The following FGF23 variants were observed in gnomAD, a reference collection of about 807,000 sequenced individuals.
FGF23 encodes phosphatonin.
In FGF23, 8 loss-of-function variants were observed where a neutral mutation model predicts 9.0. The observed-to-expected ratio is 0.89, with a 90% CI of 0.52 to 1.60. The LOEUF is 1.60. Among genes scored for constraint, FGF23 ranks in the 40% most tolerant of loss-of-function variants. FGF23 has a pLI of 0.00. For synonymous variants in FGF23, 118 were observed against 146.2 expected, an observed-to-expected ratio of 0.81 and a Z score of 1.39; for missense variants, 311 against 344.3, an observed-to-expected ratio of 0.90 and a Z score of 0.77.
chr12:4,370,786 G>C lies in FGF23; in HGVS notation c.316-3C>G. On this transcript the variant is annotated splice_polypyrimidine_tract_variant and splice_region_variant and intron_variant, in intron 2 of 2. Transcript: ENST00000237837. ...CAGTTCTCCGGGTCGAAATAGTGCTGGAAGGACAAGAGCGAACCACGTGAA... is the reference window on the plus strand; with the variant it reads ...CAGTTCTCCGGGTCGAAATAGTGCTCGAAGGACAAGAGCGAACCACGTGAA... 2.5e-6 allele frequency: 4 copies of C among 1,613,782 alleles called. No homozygotes were observed. Among genetic ancestry groups the C allele is most frequent in the Non-Finnish European group, 3.4e-6 (4 of 1,179,980 alleles).
At chr12:4,379,304 C>T (rs746764009) in intron 1 of FGF23, 68 bp downstream of exon 1, 2 of 1,440,314 alleles carry the variant, frequency 1.4e-6, no homozygotes, top group Non-Finnish European at 1.9e-6. Context: ...AGTCCCCAAC[C>T]TCCCCAAGCC....
rs768819651 is a variant in FGF23, at chr12:4,379,398, T to C, written c.185A>G (p.Asp62Gly). The change falls in exon 1 of 3, where the codon GAT (aspartate) becomes GGT (glycine). Residue 62 changes from aspartate to glycine, a missense_variant. Transcript: ENST00000237837. The part of the protein sequence containing the change: ...HLQIHKNGHV[D>G]GAPHQTIYSA... The stretch of plus-strand genomic sequence containing the variant: ...GTAGATGGTCTGATGGGGTGCGCCA[T>C]CCACATGGCCATTCTTGTGGATCTG... 4 of 1,612,930 alleles carry C rather than the reference T, an allele frequency of 2.5e-6. No individual in the cohort carries two copies. In the South Asian group the frequency reaches 3.3e-5, roughly 13 times the overall value.
chr12:4,371,806 A>G (rs1340021139), intron 2 of FGF23, among the ~76,000 whole-genome samples: 1 of 152,204 alleles, frequency 6.6e-6, no homozygotes, highest in African/African-American at 2.4e-5. Context: ...CCCAGAATCA[A>G]GAAGACACCA....
At chr12:4,374,777 C>T (rs1865099919) in intron 1 of FGF23, among the ~76,000 whole-genome samples, 1 of 151,994 alleles carries the variant, frequency 6.6e-6, no homozygotes, top group Admixed American at 6.5e-5. Flanking sequence ...ATTCTCAAAA[C>T]AAATTTTATA....
At chr12:4,373,276 G>A (rs1011447457) in intron 1 of FGF23, among the ~76,000 whole-genome samples, 7 of 152,164 alleles carry the variant, frequency 4.6e-5, no homozygotes, top group Non-Finnish European at 8.8e-5. Context: ...AGGCTCAGGC[G>A]TCACCATCTC....
chr12:4,375,145 A>G (rs1335403629), intron 1 of FGF23, among the ~76,000 whole-genome samples: 3 of 152,204 alleles, frequency 2.0e-5, no homozygotes, highest in African/African-American at 7.2e-5. Context: ...TGTCCTGCCT[A>G]CTTCATAGGG....
rs1465268287 is a variant in FGF23 at position 4,379,452 on chromosome 12, G to A, written c.131C>T (p.Thr44Ile). ...SSWGGLIHLY[T>I]ATARNSYHLQ... Reference sequence around the variant, plus strand: ...GTGGTAGCTGTTCCTGGCTGTGGCTGTGTACAGGTGGATCAGGCCACCCCA... The same window carrying A: ...GTGGTAGCTGTTCCTGGCTGTGGCTATGTACAGGTGGATCAGGCCACCCCA... The change falls in exon 1 of 3, where the codon ACA (threonine) becomes ATA (isoleucine). Residue 44 changes from threonine to isoleucine, a missense_variant. Physicochemically the swap from Thr to Ile is moderately conservative, Grantham distance 89. Transcript: ENST00000237837. The A allele has an allele frequency of 1.2e-6, 2 of 1,613,628 alleles. No individual in the cohort carries two copies. The highest frequency in any genetic ancestry group is 1.7e-6 in the Non-Finnish European group (2 of 1,180,038).
chr12:4,370,405 C>T lies in FGF23; in HGVS notation c.694G>A (p.Val232Met). Residue 232 changes from valine to methionine, a missense_variant, in exon 3 of 3, where the codon GTG (valine) becomes ATG (methionine). Physicochemically the swap from Val to Met is conservative, Grantham distance 21 (BLOSUM62 1). Transcript: ENST00000237837. ...CCCGTTCCCCCAGCGTGCGTGTTCA[C>T]TCGACCGCCCCTGACCACCCCTAAT... ...DPLGVVRGGR[V>M]NTHAGGTGPE... 1 of 1,613,790 alleles carries T rather than the reference C, an allele frequency of 6.2e-7. No homozygotes were observed. The highest frequency in any genetic ancestry group is 2.2e-5 in the East Asian group (1 of 44,872).
Position 4,370,400 on chromosome 12 carries a change from G to T in FGF23, c.699C>A (p.Asn233Lys). Residue 233 changes from asparagine (N) to lysine (K), a missense_variant, in exon 3 of 3, where the codon AAC (asparagine) becomes AAA (lysine). This residue lies in a region of FGF23 where 206 missense variants were observed against 219.2 expected (regional missense o/e 0.94). Transcript: ENST00000237837. The stretch of plus-strand genomic sequence containing the variant: ...CCGGGCCCGTTCCCCCAGCGTGCGT[G>T]TTCACTCGACCGCCCCTGACCACCC... ...PLGVVRGGRV[N>K]THAGGTGPEG... is the part of the protein sequence containing the mutation. The T allele has an allele frequency of 1.2e-6, 2 of 1,613,748 alleles. No individual in the cohort carries two copies. Among genetic ancestry groups the T allele is most frequent in the Non-Finnish European group, 1.7e-6 (2 of 1,180,006 alleles).
At position 4,369,495 on chromosome 12, in the gene FGF23, GTGTAAAAGC is replaced by G; in HGVS notation, c.*839_*847del. The G allele has an allele frequency of 4.4e-6, 1 of 229,036 alleles. No homozygotes were observed. The highest frequency in any genetic ancestry group is 1.8e-4 in the South Asian group (1 of 5,498). 14.2% of individuals were successfully genotyped at this position (229,036 alleles called of 1,614,324 possible). A position where few individuals can be genotyped will look rare whatever the true frequency, so the allele number is the denominator to read the frequency against. On this transcript the variant is annotated 3_prime_UTR_variant, in exon 3 of 3. Coordinates refer to ENST00000237837, the MANE Select transcript of FGF23 (RefSeq NM_020638.3). Reference sequence around the variant, plus strand: ...TAGCAGGGCAGATTTTCGTGAGCCAGTGTAAAAGCTATTTATTCCTTAGACCAAATTTTC... The same window carrying G: ...TAGCAGGGCAGATTTTCGTGAGCCAGTATTTATTCCTTAGACCAAATTTTC...
intron 1 of FGF23, among the ~76,000 whole-genome samples, chr12:4,375,527 T>A (rs573305341): frequency 6.6e-6 from 1 of 152,292 alleles, no homozygotes; most frequent in South Asian, 2.1e-4. Flanking sequence ...CAAGGGAGAA[T>A]TTTGCAGAAG....
At chr12:4,378,402 G>A (rs1456825358) in intron 1 of FGF23, among the ~76,000 whole-genome samples, 1 of 151,960 alleles carries the variant, frequency 6.6e-6, no homozygotes, top group Non-Finnish European at 1.5e-5. Context: ...ATGCTTTGAG[G>A]TGTTTTCTCA....
chr12:4,370,857 C>T lies in FGF23; in HGVS notation c.316-74G>A. ...CCCACTCCCCAGCTCCTCCTGGGGC[C>T]ACATGCTTGTGCCAGCCGGCCTGAA... On this transcript the variant is annotated intron_variant, in intron 2 of 2. Coordinates refer to ENST00000237837, the MANE Select transcript of FGF23 (RefSeq NM_020638.3). The T allele has an allele frequency of 3.2e-6, 4 of 1,265,928 alleles. No individual in the cohort carries two copies. In the South Asian group the frequency reaches 4.8e-5, roughly 15 times the overall value. 78.4% of individuals were successfully genotyped at this position (1,265,928 alleles called of 1,614,324 possible). A position where few individuals can be genotyped will look rare whatever the true frequency, so the allele number is the denominator to read the frequency against.
intron 1 of FGF23, among the ~76,000 whole-genome samples, chr12:4,373,253 A>G (rs1034020288): frequency 1.3e-5 from 2 of 152,014 alleles, no homozygotes; most frequent in African/African-American, 4.8e-5. Flanking sequence ...GAAGTCACTC[A>G]CTCTTCAAGA....
chr12:4,372,462 A>G, intron 2 of FGF23, 132 bp downstream of exon 2: 4 of 707,820 alleles, frequency 5.7e-6, no homozygotes, highest in Admixed American at 4.0e-5. Context: ...CTTAGACTGC[A>G]TGAAGTATCA....
At chr12:4,375,433 T>A (rs899620991) in intron 1 of FGF23, among the ~76,000 whole-genome samples, 8 of 152,326 alleles carry the variant, frequency 5.3e-5, no homozygotes, top group African/African-American at 1.9e-4. Flanking sequence ...TGTGAGCCAA[T>A]GTGAAAGTTT....
intron 1 of FGF23, among the ~76,000 whole-genome samples, chr12:4,376,244 T>A (rs1865115243): frequency 6.6e-6 from 1 of 152,198 alleles, no homozygotes. Flanking sequence ...TTGAAGAATC[T>A]GGTAGGCAGG....
At chr12:4,373,358 T>C (rs1485355407) in intron 1 of FGF23, among the ~76,000 whole-genome samples, 1 of 152,246 alleles carries the variant, frequency 6.6e-6, no homozygotes, top group Non-Finnish European at 1.5e-5. Flanking sequence ...GACAATGCCT[T>C]CACCTCTATT....
Position 4,370,303 on chromosome 12 carries a change from T to C in FGF23, c.*40A>G. On this transcript the variant is annotated 3_prime_UTR_variant, in exon 3 of 3. Transcript: ENST00000237837. ...CCTGGTCCTTGGGAAGAGCTGCGTTTGCTGAGGGATGGGTTAAAGAGGGTG... is the reference window on the plus strand; with the variant it reads ...CCTGGTCCTTGGGAAGAGCTGCGTTCGCTGAGGGATGGGTTAAAGAGGGTG... 1 of 1,588,746 alleles carries C rather than the reference T, an allele frequency of 6.3e-7. No individual in the cohort carries two copies.
Sources: gnomAD v4.1 joint callset for allele counts (sites outside exome capture counted in the v4.1 genomes callset) on GRCh38, gnomAD v4.1.1 for gene constraint, gnomAD v4.1.1 regional missense constraint, MANE v1.5 for transcripts, NCBI Gene and HGNC (gene_info 2026-07-23, HGNC 2026-07-21) for gene names.